The following VTI1A variants were observed in gnomAD, a reference collection of about 807,000 sequenced individuals.
VTI1A encodes vesicle transport through interaction with t-SNAREs 1A.
A neutral mutation model predicts 34.9 loss-of-function variants in VTI1A; 22 were observed. That is an observed-to-expected ratio of 0.63 (90% CI 0.45 to 0.90). The LOEUF (loss-of-function observed/expected upper bound fraction) is 0.90, where lower values mean the gene tolerates loss of function less well. VTI1A is among the 40% of genes least tolerant of loss of function. The pLI is 0.00. For missense variants in VTI1A, 268 were observed against 275.6 expected, an observed-to-expected ratio of 0.97 and a Z score of 0.20; for synonymous variants, 87 against 97.3, an observed-to-expected ratio of 0.89 and a Z score of 0.62.
chr10:112,615,361 T>A (rs78626821), intron 5 of VTI1A, among the ~76,000 whole-genome samples: 1,804 of 152,340 alleles, frequency 0.012, 15 homozygotes, highest in Admixed American at 0.03. Context: ...TTCTTTTACA[T>A]CTCAGGTCCT....
At chr10:112,826,487 G>A in the VTI1A span, 1 of 152,266 alleles carries the variant, frequency 6.6e-6, no homozygotes, top group African/African-American at 2.4e-5. Context: ...GATTTAATCT[G>A]GAATCCCAGC....
intron 5 of VTI1A, among the ~76,000 whole-genome samples, chr10:112,611,843 G>A (rs1845327366): frequency 6.8e-6 from 1 of 147,912 alleles, no homozygotes; most frequent in African/African-American, 2.5e-5. Context: ...CTGGGTTCAC[G>A]TCATTGTCCT....
At chr10:112,504,922 G>T (rs1396020212) in intron 3 of VTI1A, among the ~76,000 whole-genome samples, 6 of 151,312 alleles carry the variant, frequency 4.0e-5, no homozygotes, top group African/African-American at 1.5e-4. Flanking sequence ...CCGTTCTTAT[G>T]CTTTGCTAGT....
At chr10:112,604,916 T>C (rs1845017387) in intron 5 of VTI1A, among the ~76,000 whole-genome samples, 1 of 152,176 alleles carries the variant, frequency 6.6e-6, no homozygotes, top group South Asian at 2.1e-4. Flanking sequence ...GTGAACATTG[T>C]GTTTAAATAT....
intron 6 of VTI1A, 116 bp downstream of exon 6, chr10:112,668,404 G>T (rs1327671370): frequency 9.0e-7 from 1 of 1,115,848 alleles, no homozygotes; most frequent in Admixed American, 2.3e-5. Flanking sequence ...GTGAAAGAGG[G>T]TATAAGGTCT....
intron 7 of VTI1A, among the ~76,000 whole-genome samples, chr10:112,794,749 C>G (rs1182857581): frequency 1.3e-5 from 2 of 151,978 alleles, no homozygotes; most frequent in African/African-American, 4.8e-5. Context: ...ATATTATCAG[C>G]AAGAAAATTA....
At chr10:112,453,200 C>A (rs781643473) in intron 1 of VTI1A, among the ~76,000 whole-genome samples, 1 of 152,124 alleles carries the variant, frequency 6.6e-6, no homozygotes, top group Admixed American at 6.6e-5. Flanking sequence ...GGGAGGAGGA[C>A]CACAGAAGTA....
chr10:112,818,242 TGCG>T lies in VTI1A; in HGVS notation c.*2861_*2863del, dbSNP rs1289365453. ...AAATTGTGCGGCTCTGGCCATCCCA[TGCG>T]GGGCAAGCCCATTGAGGGTTATCAT... On this transcript the variant is annotated 3_prime_UTR_variant, in exon 8 of 8. Coordinates refer to ENST00000393077, the MANE Select transcript of VTI1A (RefSeq NM_145206.4). The T allele has an allele frequency of 4.3e-6, 1 of 233,058 alleles. No homozygotes were observed. The highest frequency in any genetic ancestry group is 8.5e-6 in the Non-Finnish European group (1 of 117,736). 14.4% of individuals were successfully genotyped at this position (233,058 alleles called of 1,614,324 possible).
intron 3 of VTI1A, among the ~76,000 whole-genome samples, chr10:112,488,384 A>G (rs1848714191): frequency 6.6e-6 from 1 of 152,214 alleles, no homozygotes; most frequent in African/African-American, 2.4e-5. Context: ...TCTCTGTATT[A>G]AGTGAAGAGT....
At chr10:112,819,373 G>A (rs1853608449), downstream of VTI1A, among the ~76,000 whole-genome samples, 1 of 152,096 alleles carries the variant, frequency 6.6e-6, no homozygotes. Flanking sequence ...GGTTGGTTGT[G>A]GTCAGCGCTG....
intron 7 of VTI1A, among the ~76,000 whole-genome samples, chr10:112,738,828 G>A (rs1441432976): frequency 1.3e-5 from 2 of 152,178 alleles, no homozygotes; most frequent in Non-Finnish European, 2.9e-5. Context: ...AGTAGGGAAA[G>A]CCTTGAGGAG....
intron 5 of VTI1A, among the ~76,000 whole-genome samples, chr10:112,578,212 C>G (rs7899005): frequency 0.1 from 15,207 of 151,870 alleles, 2,019 homozygotes; most frequent in African/African-American, 0.3. Context: ...AACTGAGGCT[C>G]GAATTAGGGC....
At chr10:112,820,767 C>T (rs142299746), downstream of VTI1A, among the ~76,000 whole-genome samples, 2 of 152,280 alleles carry the variant, frequency 1.3e-5, no homozygotes, top group Non-Finnish European at 2.9e-5. Flanking sequence ...GATTCCAGCG[C>T]AGTAACAAGG....
At chr10:112,515,038 G>C (rs1008684685) in intron 3 of VTI1A, among the ~76,000 whole-genome samples, 3 of 152,102 alleles carry the variant, frequency 2.0e-5, no homozygotes, top group African/African-American at 7.2e-5. Context: ...TTTAAAAAAT[G>C]TAAATATTTA....
chr10:112,734,514 T>TCTTTAA (rs1850385104), intron 7 of VTI1A, among the ~76,000 whole-genome samples: 1 of 152,186 alleles, frequency 6.6e-6, no homozygotes, highest in Admixed American at 6.5e-5. Context: ...TCATAATACC[T>TCTTTAA]ATCACAGCCA....
chr10:112,604,690 A>G (rs1235885319), intron 5 of VTI1A, among the ~76,000 whole-genome samples: 1 of 152,260 alleles, frequency 6.6e-6, no homozygotes, highest in African/African-American at 2.4e-5. Context: ...AAAACAAAGG[A>G]ATAAATGAGG....
At chr10:112,783,853 G>A (rs933895478) in intron 7 of VTI1A, among the ~76,000 whole-genome samples, 2 of 152,164 alleles carry the variant, frequency 1.3e-5, no homozygotes, top group Non-Finnish European at 2.9e-5. Flanking sequence ...CCCAGAGTCC[G>A]GGGAGTCTAG....
chr10:112,606,920 G>T (rs564699885), intron 5 of VTI1A, among the ~76,000 whole-genome samples: 2 of 152,258 alleles, frequency 1.3e-5, no homozygotes, highest in Admixed American at 1.3e-4. Context: ...TATGTCAAGT[G>T]CTTTACATAT....
intron 7 of VTI1A, among the ~76,000 whole-genome samples, chr10:112,763,845 G>A (rs981055477): frequency 2.0e-5 from 3 of 152,046 alleles, no homozygotes; most frequent in Admixed American, 2.0e-4. Flanking sequence ...CATATAACAC[G>A]AAGAACATGT....
Sources: gnomAD v4.1 joint callset for allele counts (sites outside exome capture counted in the v4.1 genomes callset) on GRCh38, gnomAD v4.1.1 for gene constraint, MANE v1.5 for transcripts, NCBI Gene and HGNC (gene_info 2026-07-23, HGNC 2026-07-21) for gene names.